The following EDEM1 variants were observed in gnomAD, a reference collection of about 807,000 sequenced individuals.
EDEM1 encodes the protein ER degradation enhancing alpha-mannosidase like protein 1, also known as ER degradation-enhancing alpha-mannosidase-like protein 1.
In EDEM1, 67 loss-of-function variants were observed where a neutral mutation model predicts 74.4. That is an observed-to-expected ratio of 0.90 (90% CI 0.74 to 1.10). The LOEUF (loss-of-function observed/expected upper bound fraction) is 1.10, where lower values mean the gene tolerates loss of function less well. Ranked by LOEUF, EDEM1 falls within the 50% of genes least tolerant of loss-of-function variation. The pLI is 0.00. For missense variants in EDEM1, 926 were observed against 851.6 expected (o/e 1.09, Z -1.09); for synonymous variants, 382 against 335.9 (o/e 1.14, Z -1.50).
At chr3:5,208,743 TTG>T (rs537035240) in intron 8 of EDEM1, among the ~76,000 whole-genome samples, 108 of 149,198 alleles carry the variant, frequency 7.2e-4, no homozygotes, top group South Asian at 2.3e-3. Context: ...ATGTTTGTGT[TTG>T]TGTGTGTGTG....
chr3:5,191,004 C>A (rs955163358), intron 1 of EDEM1, among the ~76,000 whole-genome samples: 1 of 151,994 alleles, frequency 6.6e-6, no homozygotes, highest in Non-Finnish European at 1.5e-5. Flanking sequence ...GTATCCAACC[C>A]CTCAAGCATT....
chr3:5,207,662 A>G (rs1308067005), intron 7 of EDEM1, among the ~76,000 whole-genome samples: 1 of 152,016 alleles, frequency 6.6e-6, no homozygotes, highest in Non-Finnish European at 1.5e-5. Flanking sequence ...GCCTGCCACC[A>G]CATCCGGCTA....
Position 5,207,274 on chromosome 3 carries a change from G to A in EDEM1, c.1338+1G>A. On this transcript the variant is annotated splice_donor_variant, in intron 7 of 11. Transcript: ENST00000256497. LOFTEE classifies it high-confidence loss of function. Reference sequence around the variant, plus strand: ...GCAGGCCTTTTTCCCTGGACTGCAGGTATTTTGCCATCAGATTTCCTAAGA... The same window carrying A: ...GCAGGCCTTTTTCCCTGGACTGCAGATATTTTGCCATCAGATTTCCTAAGA... The A allele has an allele frequency of 6.2e-7, 1 of 1,613,542 alleles. No individual in the cohort carries two copies. Among genetic ancestry groups the A allele is most frequent in the Non-Finnish European group, 8.5e-7 (1 of 1,179,832 alleles).
Position 5,215,835 on chromosome 3 carries a change from C to A in EDEM1, c.1891C>A (p.Arg631Ser), listed in dbSNP as rs762616629. The A allele has an allele frequency of 5.6e-6, 9 of 1,612,798 alleles. No individual in the cohort carries two copies. The highest frequency in any genetic ancestry group is 1.3e-5 in the African/African-American group (1 of 74,864). The change falls in exon 12 of 12, where the codon CGT becomes AGT. Residue 631 changes from arginine (R) to serine (S), a missense_variant. By Grantham distance (110) the Arg-to-Ser change is moderately radical (BLOSUM62 -1). Transcript: ENST00000256497. ...KVINSSSNCNRVPDERRYSLP... is the reference protein window; with the variant it reads ...KVINSSSNCNSVPDERRYSLP... ...CTCGTTTTTGTCTTTCTAGTGCAAT[C>A]GTGTACCTGATGAGAGGAGGTACTC... is the stretch of plus-strand genomic sequence containing the variant.
chr3:5,188,124 C>G lies in EDEM1; in HGVS notation c.319C>G (p.Arg107Gly). 6.6e-7 allele frequency: 1 copy of G among 1,523,750 alleles called. No homozygotes were observed. The allele number at this position is 1,523,750 out of a possible 1,614,324, so 94.4% of individuals were successfully genotyped here. ...PANWGYVLGG[R>G]GRGPDEYEKR... The stretch of plus-strand genomic sequence containing the variant: ...CAACTGGGGCTACGTGCTGGGCGGC[C>G]GGGGCCGCGGCCCGGACGAGTACGA... The change falls in exon 1 of 12, where the codon CGG (arginine) becomes GGG (glycine). Residue 107 changes from arginine (R) to glycine (G), a missense_variant. Physicochemically the swap from Arg to Gly is moderately radical, Grantham distance 125 (BLOSUM62 -2). Coordinates refer to ENST00000256497, the MANE Select transcript of EDEM1 (RefSeq NM_014674.3).
intron 10 of EDEM1, among the ~76,000 whole-genome samples, chr3:5,212,436 C>G (rs963897573): frequency 3.3e-5 from 5 of 152,206 alleles, no homozygotes; most frequent in African/African-American, 1.2e-4. Context: ...CCAGCAGCCA[C>G]TGGTGTCAGA....
Position 5,205,149 on chromosome 3 carries a change from C to A in EDEM1, c.1125C>A (p.Tyr375Ter), listed in dbSNP as rs1450112196. Residue 375 changes from tyrosine to a stop codon, truncating the protein, a stop_gained, in exon 6 of 12, where the codon TAC (tyrosine) becomes TAA (stop). Coordinates refer to ENST00000256497, the MANE Select transcript of EDEM1 (RefSeq NM_014674.3). LOFTEE classifies it high-confidence loss of function. ...LGAGLDSFYE[Y>*]LLKSYILFGE... Reference sequence around the variant, plus strand: ...CCGGGCTGGACTCCTTCTATGAATACCTCTTGAAATCTTACATTCTCTTTG... The same window carrying A: ...CCGGGCTGGACTCCTTCTATGAATAACTCTTGAAATCTTACATTCTCTTTG... The A allele has an allele frequency of 1.2e-6, 2 of 1,614,098 alleles. No homozygotes were observed. Among genetic ancestry groups the A allele is most frequent in the Non-Finnish European group, 1.7e-6 (2 of 1,180,042 alleles).
intron 1 of EDEM1, among the ~76,000 whole-genome samples, chr3:5,190,626 T>C (rs1181550020): frequency 6.6e-6 from 1 of 152,162 alleles, no homozygotes; most frequent in Non-Finnish European, 1.5e-5. Flanking sequence ...TAAGGTCAGG[T>C]TGCTTTGAGA....
At chr3:5,197,634 A>G (rs1364208741) in intron 2 of EDEM1, among the ~76,000 whole-genome samples, 1 of 152,202 alleles carries the variant, frequency 6.6e-6, no homozygotes, top group African/African-American at 2.4e-5. Context: ...TCCGGCCTTT[A>G]GTGCTTCAGG....
At position 5,188,065 on chromosome 3, in the gene EDEM1, C is replaced by T. The variant is rs769028831; in HGVS notation, c.260C>T (p.Pro87Leu). ...GCAGCGCAGAGCCCGCGCAAGGCTC[C>T]GCGGCGTCCTGGGCCGGGGATGTGC... ...TGAAQSPRKA[P>L]RRPGPGMCGP... The change falls in exon 1 of 12, where the codon CCG becomes CTG. Residue 87 changes from proline to leucine, a missense_variant. Physicochemically the swap from Pro to Leu is moderately conservative, Grantham distance 98. Coordinates refer to ENST00000256497, the MANE Select transcript of EDEM1 (RefSeq NM_014674.3). 4 of 1,448,076 alleles carry T rather than the reference C, an allele frequency of 2.8e-6. No individual in the cohort carries two copies. The highest frequency in any genetic ancestry group is 5.9e-5 in the East Asian group (2 of 34,062). The allele number at this position is 1,448,076 out of a possible 1,614,324, so 89.7% of individuals were successfully genotyped here.
chr3:5,199,525 T>C, intron 2 of EDEM1, 67 bp from the exon 3 acceptor site: 2 of 1,176,802 alleles, frequency 1.7e-6, no homozygotes, highest in Admixed American at 4.0e-5. Flanking sequence ...GTGACTGGGC[T>C]GCTGTGATGA....
chr3:5,215,316 G>T (rs374271429), intron 11 of EDEM1, among the ~76,000 whole-genome samples: 2 of 151,510 alleles, frequency 1.3e-5, no homozygotes, highest in East Asian at 1.9e-4. Flanking sequence ...TTTAATTAAA[G>T]AAATAGTCTT....
Position 5,215,958 on chromosome 3 carries a change from C to T in EDEM1, c.*40C>T, listed in dbSNP as rs377634526. 519 of 1,557,538 alleles carry T rather than the reference C, an allele frequency of 3.3e-4. 2 individuals carry two copies. Among genetic ancestry groups the T allele is most frequent in the Non-Finnish European group, 4.2e-4 (474 of 1,135,390 alleles). On this transcript the variant is annotated 3_prime_UTR_variant, in exon 12 of 12. Transcript: ENST00000256497. ...GGCCTCATCTTGAACCAGACCTTAA[C>T]GACCAAACCCAGACCATGCCAAAGT...
intron 2 of EDEM1, among the ~76,000 whole-genome samples, chr3:5,198,438 T>G (rs1028408503): frequency 6.6e-6 from 1 of 152,184 alleles, no homozygotes; most frequent in Non-Finnish European, 1.5e-5. Context: ...TCTGGCTTAG[T>G]GAATCTGCAG....
chr3:5,208,355 G>T, intron 8 of EDEM1, 92 bp downstream of exon 8: 4 of 1,469,248 alleles, frequency 2.7e-6, no homozygotes, highest in Non-Finnish European at 3.7e-6. Flanking sequence ...GTGATTTAGG[G>T]TTATGTTGTT....
intron 9 of EDEM1, 108 bp from the exon 10 acceptor site, chr3:5,211,012 T>C: frequency 1.0e-6 from 1 of 970,996 alleles, no homozygotes. Context: ...TTTCATATGG[T>C]GTTGGATGAC....
At chr3:5,203,329 A>G (rs1198774974) in intron 5 of EDEM1, among the ~76,000 whole-genome samples, 180 bp downstream of exon 5, 1 of 152,166 alleles carries the variant, frequency 6.6e-6, no homozygotes, top group Non-Finnish European at 1.5e-5. Flanking sequence ...GGTCTGATGG[A>G]AAAGCATTAA....
intron 6 of EDEM1, 104 bp downstream of exon 6, chr3:5,205,345 C>G: frequency 8.7e-7 from 1 of 1,153,562 alleles, no homozygotes; most frequent in Non-Finnish European, 1.2e-6. Context: ...CTGTTTATCT[C>G]TGCCCTCACC....
chr3:5,198,703 T>C (rs2055000360), intron 2 of EDEM1, among the ~76,000 whole-genome samples: 1 of 149,632 alleles, frequency 6.7e-6, no homozygotes, highest in East Asian at 2.0e-4. Context: ...GTAGCTATCT[T>C]ATTTAGGAAT....
Sources: allele counts gnomAD v4.1 joint callset (sites outside exome capture counted in the v4.1 genomes callset), GRCh38; gene constraint gnomAD v4.1.1; transcripts MANE v1.5; gene names NCBI Gene and HGNC (gene_info 2026-07-23, HGNC 2026-07-21).